The following RNGTT variants were observed in gnomAD, a reference collection of about 807,000 sequenced individuals.
RNGTT encodes the protein mRNA-capping enzyme.
RNGTT carries 33 observed loss-of-function variants against 79.3 expected under a neutral mutation model. That is an observed-to-expected ratio of 0.42 (90% CI 0.32 to 0.56). The LOEUF is 0.56. Ranked by LOEUF, RNGTT falls within the 20% of genes least tolerant of loss-of-function variation. The pLI, the probability that RNGTT is intolerant of heterozygous loss-of-function variation, is 0.17. For synonymous variants in RNGTT, 222 were observed against 235.9 expected, an observed-to-expected ratio of 0.94 and a Z score of 0.54; for missense variants, 497 against 739.1, an observed-to-expected ratio of 0.67 and a Z score of 3.80.
chr6:88,616,706 A>G (rs1161782629), intron 14 of RNGTT, among the ~76,000 whole-genome samples: 1 of 152,164 alleles, frequency 6.6e-6, no homozygotes, highest in East Asian at 1.9e-4. Context: ...TTTCTTCAGT[A>G]TACAAGAAAC....
intron 13 of RNGTT, among the ~76,000 whole-genome samples, chr6:88,710,578 C>A (rs190249365): frequency 5.3e-5 from 8 of 152,142 alleles, no homozygotes; most frequent in Non-Finnish European, 1.2e-4. Context: ...ATCAACCTAA[C>A]GGTGAAGCAC....
intron 11 of RNGTT, among the ~76,000 whole-genome samples, chr6:88,809,559 A>G (rs1324817894): frequency 6.6e-6 from 1 of 152,216 alleles, no homozygotes; most frequent in Non-Finnish European, 1.5e-5. Context: ...TTAGATGTCA[A>G]TATTTGGAAA....
At chr6:88,910,695 C>T (rs1024965150) in intron 4 of RNGTT, among the ~76,000 whole-genome samples, 1 of 152,162 alleles carries the variant, frequency 6.6e-6, no homozygotes, top group African/African-American at 2.4e-5. Flanking sequence ...AGTCATCAGA[C>T]TTTCCAAGGT....
chr6:88,725,066 A>G (rs1054410744), intron 13 of RNGTT, among the ~76,000 whole-genome samples: 1 of 152,220 alleles, frequency 6.6e-6, no homozygotes, highest in Non-Finnish European at 1.5e-5. Flanking sequence ...AATTAAAAAG[A>G]AAATTTTATA....
chr6:88,852,332 A>T (rs926198936), intron 9 of RNGTT, among the ~76,000 whole-genome samples: 1 of 152,122 alleles, frequency 6.6e-6, no homozygotes, highest in African/African-American at 2.4e-5. Flanking sequence ...AACTTTGACA[A>T]ATGCTATTAC....
At chr6:88,631,220 T>G (rs1582254544) in intron 14 of RNGTT, among the ~76,000 whole-genome samples, 1 of 152,250 alleles carries the variant, frequency 6.6e-6, no homozygotes, top group Non-Finnish European at 1.5e-5. Context: ...TTAACTTAGT[T>G]TGTAGCATGT....
intron 13 of RNGTT, among the ~76,000 whole-genome samples, chr6:88,700,883 A>C (rs547893543): frequency 3.3e-5 from 5 of 152,266 alleles, no homozygotes; most frequent in African/African-American, 9.6e-5. Context: ...TTGATGTTTA[A>C]ATTAGTTGCA....
At chr6:88,894,874 T>G (rs1213827048) in intron 6 of RNGTT, among the ~76,000 whole-genome samples, 1 of 151,976 alleles carries the variant, frequency 6.6e-6, no homozygotes, top group African/African-American at 2.4e-5. Context: ...CAAGACCAGC[T>G]TGGGCAACAC....
intron 8 of RNGTT, among the ~76,000 whole-genome samples, chr6:88,886,517 T>C (rs925477966): frequency 6.6e-6 from 1 of 152,204 alleles, no homozygotes; most frequent in African/African-American, 2.4e-5. Context: ...AGGAATCTGG[T>C]TAAGGGCACA....
chr6:88,954,105 T>C (rs1785346554), intron 1 of RNGTT, among the ~76,000 whole-genome samples: 1 of 152,178 alleles, frequency 6.6e-6, no homozygotes, highest in South Asian at 2.1e-4. Flanking sequence ...ACAACTAGCA[T>C]TATGAATAGA....
intron 6 of RNGTT, among the ~76,000 whole-genome samples, chr6:88,901,652 G>A (rs996300404): frequency 1.3e-4 from 20 of 151,464 alleles, no homozygotes; most frequent in Non-Finnish European, 2.5e-4. Flanking sequence ...GATTACAGGC[G>A]CCTGCCACTA....
At chr6:88,874,656 G>A (rs1414864305) in intron 8 of RNGTT, among the ~76,000 whole-genome samples, 3 of 150,032 alleles carry the variant, frequency 2.0e-5, no homozygotes, top group African/African-American at 7.3e-5. Context: ...TCACAGAATC[G>A]TAAAAAAAAA....
intron 12 of RNGTT, among the ~76,000 whole-genome samples, chr6:88,772,748 T>G (rs1311675040): frequency 1.3e-5 from 2 of 151,752 alleles, no homozygotes; most frequent in Non-Finnish European, 2.9e-5. Context: ...ATCAGAGAAA[T>G]GCAAATCAAA....
At chr6:88,665,933 T>G (rs1016905343) in intron 14 of RNGTT, among the ~76,000 whole-genome samples, 3 of 152,218 alleles carry the variant, frequency 2.0e-5, no homozygotes, top group African/African-American at 7.2e-5. Context: ...AGACAGCAGG[T>G]ACGCTACCTG....
intron 13 of RNGTT, among the ~76,000 whole-genome samples, chr6:88,695,004 T>C (rs1431964450): frequency 6.6e-6 from 1 of 152,078 alleles, no homozygotes; most frequent in South Asian, 2.1e-4. Flanking sequence ...GGTATTTTGT[T>C]ATAGCGCACA....
At chr6:88,779,517 C>T (rs1778992192) in intron 12 of RNGTT, among the ~76,000 whole-genome samples, 1 of 152,056 alleles carries the variant, frequency 6.6e-6, no homozygotes, top group South Asian at 2.1e-4. Context: ...AATCAAGACT[C>T]AATTTTGTCT....
rs189313549 is a variant in RNGTT at position 88,704,995 on chromosome 6, T to C, written c.1440-26576A>G. On this transcript the variant is annotated intron_variant, in intron 13 of 15. Transcript: ENST00000369485. ...GAAGAAACCTAAAAAAAAAAACTGG[T>C]AAATTTGATTACAGGCTCACATGAA... Among the ~76,000 whole-genome samples, 11 of 151,626 alleles carry C rather than the reference T, an allele frequency of 7.3e-5. No homozygotes were observed. In the East Asian group the frequency reaches 2.1e-3, roughly 29 times the overall value.
intron 13 of RNGTT, among the ~76,000 whole-genome samples, chr6:88,691,664 G>A (rs1582336496): frequency 6.6e-6 from 1 of 152,172 alleles, no homozygotes; most frequent in African/African-American, 2.4e-5. Flanking sequence ...GCCCTAAGTA[G>A]TTATTAAATG....
chr6:88,792,398 T>G (rs760983186), intron 12 of RNGTT, among the ~76,000 whole-genome samples: 1 of 152,110 alleles, frequency 6.6e-6, no homozygotes, highest in Non-Finnish European at 1.5e-5. Flanking sequence ...AAAAGGCTAT[T>G]TGAACTGGTA....
Sources: gnomAD v4.1 joint callset for allele counts (sites outside exome capture counted in the v4.1 genomes callset) on GRCh38, gnomAD v4.1.1 for gene constraint, MANE v1.5 for transcripts, NCBI Gene and HGNC (gene_info 2026-07-23, HGNC 2026-07-21) for gene names.